Variants in GSAP observed in about 807,000 individuals in gnomAD.
GSAP encodes the protein gamma-secretase activating protein.
In GSAP, 118 loss-of-function variants were observed where a neutral mutation model predicts 131.7. The observed-to-expected ratio is 0.90, with a 90% confidence interval of 0.77 to 1.04. The LOEUF (loss-of-function observed/expected upper bound fraction) is 1.04. Among genes scored for constraint, GSAP ranks in the 50% least tolerant of loss-of-function variants. The pLI, the probability that GSAP is intolerant of heterozygous loss-of-function variation, is 0.00. For missense variants in GSAP, 1,019 were observed against 1,013.2 expected (o/e 1.01, Z -0.08); for synonymous variants, 381 against 363.4 (o/e 1.05, Z -0.55).
intron 5 of GSAP, among the ~76,000 whole-genome samples, chr7:77,390,278 CTTTAG>C (rs1308020504): frequency 2.0e-5 from 3 of 152,038 alleles, no homozygotes; most frequent in Non-Finnish European, 4.4e-5. Context: ...TGCAGAAGCT[CTTTAG>C]TTTAATTAGA....
intron 6 of GSAP, among the ~76,000 whole-genome samples, chr7:77,387,071 T>C (rs1193268115): frequency 6.6e-6 from 1 of 152,336 alleles, no homozygotes; most frequent in Middle Eastern, 3.4e-3. Flanking sequence ...ACCATGCAAA[T>C]ACATTATATT....
Position 77,334,579 on chromosome 7 carries a change from T to TAAAAAAAAAAA in GSAP, c.1546-4213_1546-4212insTTTTTTTTTTT, listed in dbSNP as rs1200040086. Among the ~76,000 whole-genome samples, 388 of 82,304 alleles carry TAAAAAAAAAAA rather than the reference T, an allele frequency of 4.7e-3. 23 individuals are homozygous for TAAAAAAAAAAA. The highest frequency in any genetic ancestry group is 0.011 in the African/African-American group (227 of 20,354). 54.0% of individuals were successfully genotyped at this position (82,304 alleles called of 152,430 possible). On this transcript the variant is annotated intron_variant, in intron 19 of 30. Coordinates refer to ENST00000257626, the MANE Select transcript of GSAP (RefSeq NM_017439.4). ...GCCCATGTATCCTGGAACTTAAAAT[T>TAAAAAAAAAAA]TAAAAAAAAAAAAAAAAAAAAAAAA...
At chr7:77,416,561 T>TGGACCAGGCGCCA (rs1479221894), upstream of GSAP, 1 of 376,386 alleles carries the variant, frequency 2.7e-6, no homozygotes, top group South Asian at 7.1e-5. Context: ...TGGGGCGGGG[T>TGGACCAGGCGCCA]GGACCAGGCG....
At chr7:77,411,132 T>A (rs554458189) in intron 1 of GSAP, among the ~76,000 whole-genome samples, 216 of 145,662 alleles carry the variant, frequency 1.5e-3, no homozygotes, top group African/African-American at 5.1e-3. Flanking sequence ...GAAAACAATG[T>A]GATTAAGGTA....
chr7:77,365,513 T>C (rs974195950), intron 12 of GSAP, among the ~76,000 whole-genome samples: 1 of 152,156 alleles, frequency 6.6e-6, no homozygotes, highest in Admixed American at 6.5e-5. Context: ...GTTAGTTTGC[T>C]AAGGATAATA....
rs1352739777 is a variant in GSAP, at chr7:77,360,904, G to A, written c.950-3C>T. The A allele has an allele frequency of 6.4e-7, 1 of 1,562,316 alleles. No individual in the cohort carries two copies. Among genetic ancestry groups the A allele is most frequent in the Non-Finnish European group, 8.8e-7 (1 of 1,133,502 alleles). On this transcript the variant is annotated splice_region_variant and splice_polypyrimidine_tract_variant and intron_variant, in intron 13 of 30. Coordinates refer to ENST00000257626, the MANE Select transcript of GSAP (RefSeq NM_017439.4). ...AGTGGTGAAGGTCTTGCTGTGTCCT[G>A]CAAAGAGAGAATATGAAGCCAGAGA...
In GSAP at chr7:77,396,988, G is replaced by C. The variant is rs1258460907; in HGVS notation, c.361C>G (p.Gln121Glu). ...AAAAGTGTAATTTCATTACCTGGTT[G>C]AAGTTCGTTCCTTTTTCCTTCTTTA... ...STKEGKRNEL[Q>E]PGSKCLTLLV... The change falls in exon 5 of 31, where the codon CAA (glutamine) becomes GAA (glutamate). Residue 121 changes from glutamine to glutamate, a missense_variant. Coordinates refer to ENST00000257626, the MANE Select transcript of GSAP (RefSeq NM_017439.4). 4 of 1,592,348 alleles carry C rather than the reference G, an allele frequency of 2.5e-6. No individual in the cohort carries two copies. In the South Asian group the frequency reaches 3.3e-5, roughly 13 times the overall value.
intron 26 of GSAP, among the ~76,000 whole-genome samples, chr7:77,319,845 C>A (rs145907315): frequency 1.2e-4 from 19 of 152,250 alleles, no homozygotes; most frequent in Middle Eastern, 3.4e-3. Context: ...CTCATAGACA[C>A]AGAAGGTAGA....
intron 1 of GSAP, among the ~76,000 whole-genome samples, chr7:77,412,255 A>C (rs567996897): frequency 3.3e-5 from 5 of 152,320 alleles, no homozygotes; most frequent in Non-Finnish European, 5.9e-5. Flanking sequence ...GATGTGACAG[A>C]AGTGGTTTTG....
At chr7:77,408,866 G>A (rs1802782456) in intron 1 of GSAP, among the ~76,000 whole-genome samples, 1 of 151,872 alleles carries the variant, frequency 6.6e-6, no homozygotes, top group South Asian at 2.1e-4. Context: ...TTCCTAAAAG[G>A]AAAAGACAAG....
At chr7:77,402,272 G>A (rs1801436152) in intron 3 of GSAP, among the ~76,000 whole-genome samples, 1 of 150,576 alleles carries the variant, frequency 6.6e-6, no homozygotes, top group African/African-American at 2.4e-5. Context: ...TCTTAGGCCG[G>A]GCACGGTGGC....
At chr7:77,382,038 C>T (rs1013275906) in intron 7 of GSAP, among the ~76,000 whole-genome samples, 1 of 149,042 alleles carries the variant, frequency 6.7e-6, no homozygotes, top group African/African-American at 2.5e-5. Flanking sequence ...AGATAAGCTC[C>T]ACCAGTAAAT....
At chr7:77,334,969 G>C (rs1484095254) in intron 19 of GSAP, among the ~76,000 whole-genome samples, 1 of 152,062 alleles carries the variant, frequency 6.6e-6, no homozygotes, top group Non-Finnish European at 1.5e-5. Flanking sequence ...TGTAATCCCA[G>C]CTACTCTGGA....
chr7:77,388,068 C>G (rs1297050538), intron 5 of GSAP, among the ~76,000 whole-genome samples: 1 of 152,054 alleles, frequency 6.6e-6, no homozygotes, highest in Admixed American at 6.6e-5. Context: ...AGCTATTCTA[C>G]CAGGGGGAAA....
In GSAP at chr7:77,416,240, C is replaced by A; in HGVS notation, c.82G>T (p.Ala28Ser). The A allele has an allele frequency of 1.3e-6, 2 of 1,486,170 alleles. No individual in the cohort carries two copies. Among genetic ancestry groups the A allele is most frequent in the South Asian group, 1.3e-5 (1 of 78,190 alleles). The allele number at this position is 1,486,170 out of a possible 1,614,324, so 92.1% of individuals were successfully genotyped here. A position where few individuals can be genotyped will look rare whatever the true frequency, so the allele number is the denominator to read the frequency against. Reference protein sequence around the residue: ...WLRAQRAVSEASGAGSGGADV... With the variant: ...WLRAQRAVSESSGAGSGGADV... ...GCGCCGCCGCTTCCGGCCCCGCTGG[C>A]CTCCGACACTGCCCGCTGCGCCCGC... The change falls in exon 1 of 31, where the codon GCC (alanine) becomes TCC (serine). Residue 28 changes from alanine (A) to serine (S), a missense_variant. By Grantham distance (99) the Ala-to-Ser change is moderately conservative (BLOSUM62 1). Transcript: ENST00000257626.
In GSAP at chr7:77,412,061, C is replaced by T. The variant is rs531274250; in HGVS notation, c.109+4152G>A. ...GGGCGTGGCAGCATATGCCCGTAAT[C>T]CCAGCTACTTGGGAGGCTGAGGCAG... On this transcript the variant is annotated intron_variant, in intron 1 of 30. Transcript: ENST00000257626. Among the ~76,000 whole-genome samples the T allele has an allele frequency of 1.8e-3, 281 of 152,282 alleles. 3 individuals carry two copies. The highest frequency in any genetic ancestry group is 1.2e-3 in the Non-Finnish European group (82 of 68,024).
At chr7:77,314,068 T>G (rs1794705385) in intron 27 of GSAP, among the ~76,000 whole-genome samples, 1 of 152,128 alleles carries the variant, frequency 6.6e-6, no homozygotes, top group South Asian at 2.1e-4. Context: ...GATTGAAAAG[T>G]CCCTTAGGAC....
rs571324723 is a variant in GSAP, at chr7:77,343,394, T to C, written c.1545+5957A>G. 3.2e-3 allele frequency among the ~76,000 whole-genome samples: 483 copies of C among 152,324 alleles called. 5 individuals are homozygous for C. Among genetic ancestry groups the C allele is most frequent in the African/African-American group, 4.9e-3 (204 of 41,568 alleles). On this transcript the variant is annotated intron_variant, in intron 19 of 30. Coordinates refer to ENST00000257626, the MANE Select transcript of GSAP (RefSeq NM_017439.4). ...ACTACGCATCAATATTTATACTGAC[T>C]CTAAATATGCCTTCCATATCCTGCA...
At chr7:77,389,126 G>A (rs957711408) in intron 5 of GSAP, among the ~76,000 whole-genome samples, 1 of 151,982 alleles carries the variant, frequency 6.6e-6, no homozygotes, top group Non-Finnish European at 1.5e-5. Flanking sequence ...TGAGTATGTG[G>A]GGGGGAAAAT....
Sources: gnomAD v4.1 joint callset for allele counts (sites outside exome capture counted in the v4.1 genomes callset) on GRCh38, gnomAD v4.1.1 for gene constraint, MANE v1.5 for transcripts, NCBI Gene and HGNC (gene_info 2026-07-23, HGNC 2026-07-21) for gene names.